The following PCCA variants were observed in gnomAD, a reference collection of about 807,000 sequenced individuals.
PCCA encodes the protein propionyl-CoA carboxylase subunit alpha, also known as propionyl-CoA carboxylase alpha chain, mitochondrial.
Under a neutral mutation model 101.3 loss-of-function variants are expected in PCCA, and 74 were observed. The observed-to-expected ratio is 0.73, with a 90% CI of 0.61 to 0.89. PCCA has a LOEUF of 0.89. Ranked by LOEUF, PCCA falls within the 40% of genes least tolerant of loss-of-function variation. The pLI is 0.00. For synonymous variants in PCCA, 294 were observed against 313.6 expected (o/e 0.94, Z 0.66); for missense variants, 891 against 907.0 (o/e 0.98, Z 0.23).
chr13:100,155,304 T>C (rs1161928929), intron 5 of PCCA, among the ~76,000 whole-genome samples: 1 of 152,262 alleles, frequency 6.6e-6, no homozygotes, highest in Non-Finnish European at 1.5e-5. Flanking sequence ...TGCAGGTGGC[T>C]GCTGGATTCA....
chr13:100,185,479 A>G (rs2057173953), intron 6 of PCCA, among the ~76,000 whole-genome samples: 1 of 151,796 alleles, frequency 6.6e-6, no homozygotes, highest in South Asian at 2.1e-4. Flanking sequence ...CCTCCCGGGT[A>G]GCTGGGACCA....
At chr13:100,524,983 G>GGATAGATA (rs201979758) in intron 22 of PCCA, among the ~76,000 whole-genome samples, 2,772 of 137,242 alleles carry the variant, frequency 0.02, 30 homozygotes, top group Non-Finnish European at 0.024. Flanking sequence ...TCTCTAAGAT[G>GGATAGATA]GATAGATAGA....
rs2088321333 is a variant in PCCA, at chr13:100,530,393, CTA to C, written c.*228_*229del. On this transcript the variant is annotated 3_prime_UTR_variant, in exon 24 of 24. Coordinates refer to ENST00000376285, the MANE Select transcript of PCCA (RefSeq NM_000282.4). ...ATTTGTACTTCTGCTGTGAGATTCC[CTA>C]GTGTCAAAATTAAATCAATAAAACT... 2 of 601,492 alleles carry C rather than the reference CTA, an allele frequency of 3.3e-6. No individual in the cohort carries two copies. The highest frequency in any genetic ancestry group is 2.8e-5 in the Admixed American group (1 of 35,548). The allele number at this position is 601,492 out of a possible 1,614,324, so 37.3% of individuals were successfully genotyped here.
At chr13:100,214,409 G>GTT (rs200835983) in intron 7 of PCCA, among the ~76,000 whole-genome samples, 242 of 149,624 alleles carry the variant, frequency 1.6e-3, no homozygotes, top group Non-Finnish European at 2.8e-3. Flanking sequence ...TTTTATAGTT[G>GTT]TTTTTTTGTG....
chr13:100,468,097 C>T (rs908952645), intron 21 of PCCA, among the ~76,000 whole-genome samples: 8 of 152,210 alleles, frequency 5.3e-5, no homozygotes, highest in African/African-American at 1.9e-4. Flanking sequence ...TAACAAGGTG[C>T]ATTGTCAATG....
At chr13:100,509,994 T>C (rs2086360962) in intron 21 of PCCA, among the ~76,000 whole-genome samples, 1 of 152,208 alleles carries the variant, frequency 6.6e-6, no homozygotes, top group African/African-American at 2.4e-5. Flanking sequence ...GATGAGGAGC[T>C]CTGACTATTG....
At chr13:100,203,129 C>T (rs1405325988) in intron 6 of PCCA, among the ~76,000 whole-genome samples, 1 of 151,766 alleles carries the variant, frequency 6.6e-6, no homozygotes, top group African/African-American at 2.4e-5. Context: ...AAAAAATTAG[C>T]CGGGCGTGGT....
At chr13:100,489,586 C>T (rs2084729239) in intron 21 of PCCA, among the ~76,000 whole-genome samples, 1 of 152,176 alleles carries the variant, frequency 6.6e-6, no homozygotes, top group Non-Finnish European at 1.5e-5. Context: ...TGTGTGTGCA[C>T]ATATGTATAC....
chr13:100,325,002 C>G (rs913651005), intron 16 of PCCA, among the ~76,000 whole-genome samples: 6 of 151,972 alleles, frequency 3.9e-5, no homozygotes, highest in African/African-American at 7.2e-5. Context: ...CATGACATTA[C>G]GAGAAAAAGT....
intron 4 of PCCA, among the ~76,000 whole-genome samples, chr13:100,118,305 TTG>T (rs761030698): frequency 5.9e-5 from 9 of 152,140 alleles, no homozygotes; most frequent in Non-Finnish European, 1.2e-4. Flanking sequence ...GTTTTTCCAG[TTG>T]ACCCCAGTTG....
chr13:100,379,716 G>C (rs572433551), intron 19 of PCCA, among the ~76,000 whole-genome samples: 1 of 152,166 alleles, frequency 6.6e-6, no homozygotes, highest in South Asian at 2.1e-4. Context: ...TCTTGCAGGG[G>C]AACTCCCCTT....
At position 100,281,039 on chromosome 13, in the gene PCCA, C is replaced by T. The variant is rs114593461; in HGVS notation, c.1065+7693C>T. 3.9e-3 allele frequency among the ~76,000 whole-genome samples: 589 copies of T among 152,210 alleles called. 5 individuals are homozygous for T. The highest frequency in any genetic ancestry group is 0.013 in the African/African-American group (540 of 41,554). ...AACAGAAGGAAAAAAAAATCCGCCT[C>T]GGTGATCACATCGACTGTATGATAC... On this transcript the variant is annotated intron_variant, in intron 12 of 23. Transcript: ENST00000376285.
chr13:100,515,900 T>C (rs1157596858), intron 22 of PCCA, among the ~76,000 whole-genome samples: 7 of 152,248 alleles, frequency 4.6e-5, no homozygotes, highest in Admixed American at 3.3e-4. Context: ...AAAGCATCCA[T>C]TGAAGTCATG....
At chr13:100,250,693 T>C (rs1208470251) in intron 8 of PCCA, among the ~76,000 whole-genome samples, 1 of 152,210 alleles carries the variant, frequency 6.6e-6, no homozygotes, top group East Asian at 1.9e-4. Flanking sequence ...TTGATTGGAT[T>C]CTAGACATTG....
chr13:100,105,797 G>T (rs185363389), intron 2 of PCCA, among the ~76,000 whole-genome samples: 1 of 127,674 alleles, frequency 7.8e-6, no homozygotes, highest in African/African-American at 2.9e-5. Flanking sequence ...AGCCATGATT[G>T]CACCACTGTA....
chr13:100,301,814 G>A (rs973471679), intron 13 of PCCA, among the ~76,000 whole-genome samples: 2 of 152,182 alleles, frequency 1.3e-5, no homozygotes, highest in Non-Finnish European at 2.9e-5. Flanking sequence ...TCATGTATTT[G>A]TAGATGGGGA....
intron 11 of PCCA, among the ~76,000 whole-genome samples, chr13:100,269,064 C>T (rs1452589470): frequency 2.6e-5 from 4 of 152,072 alleles, no homozygotes; most frequent in African/African-American, 7.2e-5. Flanking sequence ...CTCAGGCTGG[C>T]CTTGAACTCC....
At chr13:100,152,209 C>T (rs1223454050) in intron 4 of PCCA, among the ~76,000 whole-genome samples, 1 of 152,110 alleles carries the variant, frequency 6.6e-6, no homozygotes, top group Non-Finnish European at 1.5e-5. Flanking sequence ...GTACCCTGCC[C>T]CCTGAAGTAA....
chr13:100,166,648 G>T (rs2152405987), intron 6 of PCCA, among the ~76,000 whole-genome samples: 1 of 152,138 alleles, frequency 6.6e-6, no homozygotes, highest in South Asian at 2.1e-4. Context: ...CATTGTATGG[G>T]TTTACCACCA....
Sources: allele counts gnomAD v4.1 joint callset (sites outside exome capture counted in the v4.1 genomes callset), GRCh38; gene constraint gnomAD v4.1.1; transcripts MANE v1.5; gene names NCBI Gene and HGNC (gene_info 2026-07-23, HGNC 2026-07-21).